The following BNC2 variants were observed in gnomAD, a reference collection of about 807,000 sequenced individuals.
The protein encoded by BNC2 is zinc finger protein basonuclin-2.
In BNC2, 20 loss-of-function variants were observed where a neutral mutation model predicts 76.3. The observed-to-expected ratio is 0.26, with a 90% CI of 0.18 to 0.38. BNC2 has a LOEUF of 0.38. Among genes scored for constraint, BNC2 ranks in the 10% least tolerant of loss-of-function variants. The probability of loss-of-function intolerance (pLI) is 1.00; values close to 1 mark genes in which losing one functional copy is unlikely to be tolerated. For synonymous variants in BNC2, 582 were observed against 514.8 expected, an observed-to-expected ratio of 1.13 and a Z score of -1.77; for missense variants, 1,382 against 1,399.8, an observed-to-expected ratio of 0.99 and a Z score of 0.20.
At chr9:16,747,285 A>G (rs2135233707) in intron 1 of BNC2, among the ~76,000 whole-genome samples, 1 of 151,784 alleles carries the variant, frequency 6.6e-6, no homozygotes, top group African/African-American at 2.4e-5. Flanking sequence ...TTACAGAATA[A>G]ATCTACACAT....
intron 1 of BNC2, chr9:16,832,177 G>A (rs1423707917): frequency 1.1e-5 from 8 of 715,130 alleles, no homozygotes; most frequent in African/African-American, 3.8e-5. Flanking sequence ...TCATTCATGC[G>A]CCCTTATTAA....
At chr9:16,774,614 C>G (rs904254444) in intron 1 of BNC2, among the ~76,000 whole-genome samples, 2 of 152,180 alleles carry the variant, frequency 1.3e-5, no homozygotes, top group African/African-American at 2.4e-5. Flanking sequence ...TTACTCTGAA[C>G]ATTTACTAAA....
At chr9:16,692,828 G>T (rs923489414) in intron 3 of BNC2, among the ~76,000 whole-genome samples, 3 of 151,980 alleles carry the variant, frequency 2.0e-5, no homozygotes, top group African/African-American at 7.2e-5. Flanking sequence ...GAGGGACTTA[G>T]TGTTAAAGAC....
At chr9:16,518,403 T>A (rs1035654844) in intron 5 of BNC2, among the ~76,000 whole-genome samples, 3 of 152,032 alleles carry the variant, frequency 2.0e-5, no homozygotes, top group African/African-American at 7.2e-5. Flanking sequence ...CTCCAGCCAG[T>A]GTAATAGGGC....
intron 4 of BNC2, among the ~76,000 whole-genome samples, chr9:16,580,728 A>G (rs1819609722): frequency 6.6e-6 from 1 of 152,206 alleles, no homozygotes; most frequent in Non-Finnish European, 1.5e-5. Context: ...TTTGGCAAAA[A>G]TGAGAGCGAA....
chr9:16,624,544 C>T (rs940322150), intron 3 of BNC2, among the ~76,000 whole-genome samples: 29 of 152,248 alleles, frequency 1.9e-4, no homozygotes, highest in African/African-American at 6.0e-4. Flanking sequence ...TGCTGCATTC[C>T]GCTAAGAAAG....
intron 5 of BNC2, among the ~76,000 whole-genome samples, chr9:16,525,699 T>A (rs1374456083): frequency 6.6e-6 from 1 of 152,250 alleles, no homozygotes; most frequent in Non-Finnish European, 1.5e-5. Flanking sequence ...TATGTGCTGA[T>A]ATGAAGTTGT....
chr9:16,784,942 T>G (rs576565217), intron 1 of BNC2, among the ~76,000 whole-genome samples: 1 of 152,188 alleles, frequency 6.6e-6, no homozygotes, highest in Non-Finnish European at 1.5e-5. Flanking sequence ...AGAAATAAGA[T>G]GACGATCATT....
chr9:16,856,680 T>G (rs190111170), intron 1 of BNC2, among the ~76,000 whole-genome samples: 3 of 152,336 alleles, frequency 2.0e-5, no homozygotes, highest in East Asian at 1.9e-4. Flanking sequence ...TTTAGTATCC[T>G]TTAGCGTTAA....
intron 5 of BNC2, among the ~76,000 whole-genome samples, chr9:16,482,698 C>T (rs1455099521): frequency 1.3e-5 from 2 of 152,168 alleles, no homozygotes; most frequent in African/African-American, 4.8e-5. Flanking sequence ...ACTGGGATCA[C>T]AAGAAAAGAT....
At chr9:16,573,576 T>G (rs573762757) in intron 4 of BNC2, among the ~76,000 whole-genome samples, 1 of 152,166 alleles carries the variant, frequency 6.6e-6, no homozygotes, top group African/African-American at 2.4e-5. Context: ...GGCCCAAGAC[T>G]GTCCTTTCAA....
chr9:16,717,900 G>A (rs1824036112), intron 3 of BNC2, among the ~76,000 whole-genome samples: 2 of 152,014 alleles, frequency 1.3e-5, no homozygotes, highest in African/African-American at 4.8e-5. Context: ...AGCAGCAGTT[G>A]GTTTATTAAG....
chr9:16,705,849 A>G (rs888421720), intron 3 of BNC2, among the ~76,000 whole-genome samples: 1 of 152,214 alleles, frequency 6.6e-6, no homozygotes, highest in Admixed American at 6.5e-5. Flanking sequence ...CTATTTCTCC[A>G]GAGAAGTTGA....
intron 1 of BNC2, among the ~76,000 whole-genome samples, chr9:16,751,158 A>G (rs1330294): frequency 0.86 from 130,638 of 151,438 alleles, 56,607 homozygotes; most frequent in Non-Finnish European, 0.91. Flanking sequence ...AACATTTAAA[A>G]CATCACTGAA....
intron 5 of BNC2, among the ~76,000 whole-genome samples, chr9:16,499,642 G>A (rs934313360): frequency 6.7e-6 from 1 of 149,342 alleles, no homozygotes; most frequent in Non-Finnish European, 1.5e-5. Flanking sequence ...CAATTCTCGT[G>A]CCTCAGCTTC....
chr9:16,538,609 T>C (rs1429320926), intron 5 of BNC2, among the ~76,000 whole-genome samples: 1 of 152,246 alleles, frequency 6.6e-6, no homozygotes, highest in Non-Finnish European at 1.5e-5. Flanking sequence ...GAAGGAAATA[T>C]ATCTTTTGCT....
intron 5 of BNC2, among the ~76,000 whole-genome samples, chr9:16,524,106 G>T (rs552381245): frequency 6.6e-6 from 1 of 151,506 alleles, no homozygotes; most frequent in Admixed American, 6.5e-5. Context: ...ATGAGCACTT[G>T]GGGTGAGAAC....
In BNC2 at chr9:16,415,679, A is replaced by G. The variant is rs977212920; in HGVS notation, c.*3310T>C. The G allele has an allele frequency of 2.6e-5, 4 of 152,198 alleles. No homozygotes were observed. Among genetic ancestry groups the G allele is most frequent in the African/African-American group, 9.7e-5 (4 of 41,442 alleles). 9.4% of individuals were successfully genotyped at this position (152,198 alleles called of 1,614,324 possible). A position where few individuals can be genotyped will look rare whatever the true frequency, so the allele number is the denominator to read the frequency against. ...CTAGAATTCTAGTTAAGTCAAAACA[A>G]GACACTCAGGCACACACTCAAGAAC... On this transcript the variant is annotated 3_prime_UTR_variant, in exon 7 of 7. Transcript: ENST00000380672.
At chr9:16,594,706 A>C (rs1319950208) in intron 3 of BNC2, among the ~76,000 whole-genome samples, 1 of 152,156 alleles carries the variant, frequency 6.6e-6, no homozygotes, top group Non-Finnish European at 1.5e-5. Context: ...TCTTGTATTT[A>C]ATCATCAAAA....
Sources: gnomAD v4.1 joint callset for allele counts (sites outside exome capture counted in the v4.1 genomes callset) on GRCh38, gnomAD v4.1.1 for gene constraint, MANE v1.5 for transcripts, NCBI Gene and HGNC (gene_info 2026-07-23, HGNC 2026-07-21) for gene names.